The following SLCO1C1 variants were observed in gnomAD, a reference collection of about 807,000 sequenced individuals.
SLCO1C1 encodes the protein solute carrier organic anion transporter family member 1C1, also known as OAT-RP-5.
Under a neutral mutation model 76.4 loss-of-function variants are expected in SLCO1C1, and 70 were observed. The ratio of observed to expected loss-of-function variants is 0.92; its 90% confidence interval spans 0.76 to 1.12. The LOEUF (loss-of-function observed/expected upper bound fraction) is 1.12, where lower values mean the gene tolerates loss of function less well. Ranked by LOEUF, SLCO1C1 falls within the 50% of genes most tolerant of loss-of-function variation. The pLI, the probability that SLCO1C1 is intolerant of heterozygous loss-of-function variation, is 0.00. For missense variants in SLCO1C1, 912 were observed against 823.8 expected (o/e 1.11, Z -1.31); for synonymous variants, 306 against 286.1 (o/e 1.07, Z -0.70).
chr12:20,733,429 A>C (rs1171641761), intron 10 of SLCO1C1, among the ~76,000 whole-genome samples: 1 of 152,232 alleles, frequency 6.6e-6, no homozygotes, highest in Admixed American at 6.5e-5. Context: ...AATGATGTAC[A>C]TGTGGTTTAA....
intron 7 of SLCO1C1, among the ~76,000 whole-genome samples, chr12:20,718,563 T>C (rs971030988): frequency 6.6e-6 from 1 of 152,210 alleles, no homozygotes; most frequent in South Asian, 2.1e-4. Flanking sequence ...AAAAATATTC[T>C]GCTGATTTGA....
chr12:20,724,847 TATA>T (rs1408683582), intron 9 of SLCO1C1, among the ~76,000 whole-genome samples: 16 of 145,868 alleles, frequency 1.1e-4, no homozygotes, highest in East Asian at 5.9e-4. Flanking sequence ...TAATAGATAA[TATA>T]ATAATATATA....
intron 6 of SLCO1C1, among the ~76,000 whole-genome samples, chr12:20,715,921 A>G (rs959000067): frequency 1.3e-5 from 2 of 152,240 alleles, no homozygotes; most frequent in African/African-American, 4.8e-5. Context: ...ACATCTAAAC[A>G]GCATTTATTG....
At chr12:20,736,272 A>AT (rs1665802784) in intron 10 of SLCO1C1, among the ~76,000 whole-genome samples, 1 of 151,592 alleles carries the variant, frequency 6.6e-6, no homozygotes, top group South Asian at 2.1e-4. Flanking sequence ...AGAACAAAAA[A>AT]AAATGAAGGA....
chr12:20,706,530 C>T (rs1296766268), intron 4 of SLCO1C1, among the ~76,000 whole-genome samples: 1 of 152,096 alleles, frequency 6.6e-6, no homozygotes, highest in Non-Finnish European at 1.5e-5. Context: ...TCTCTTAGAC[C>T]TTTATCAATG....
At chr12:20,731,725 TAG>T (rs1364683910) in intron 9 of SLCO1C1, among the ~76,000 whole-genome samples, 2 of 152,222 alleles carry the variant, frequency 1.3e-5, no homozygotes, top group African/African-American at 2.4e-5. Context: ...TGTTCTTCTT[TAG>T]AGTTACAATT....
At chr12:20,745,116 A>G (rs1164220196) in intron 13 of SLCO1C1, among the ~76,000 whole-genome samples, 1 of 152,226 alleles carries the variant, frequency 6.6e-6, no homozygotes, top group Non-Finnish European at 1.5e-5. Flanking sequence ...TGGAAGCATC[A>G]ACTAAAAACT....
intron 13 of SLCO1C1, among the ~76,000 whole-genome samples, chr12:20,749,732 A>G (rs1193028800): frequency 6.6e-6 from 1 of 152,232 alleles, no homozygotes; most frequent in Non-Finnish European, 1.5e-5. Context: ...TAAGGAGGAC[A>G]TGTTTCCTAC....
chr12:20,752,328 G>A lies in SLCO1C1; in HGVS notation c.1939G>A (p.Val647Met). 1 of 1,604,264 alleles carries A rather than the reference G, an allele frequency of 6.2e-7. No homozygotes were observed. Among genetic ancestry groups the A allele is most frequent in the Non-Finnish European group, 8.5e-7 (1 of 1,174,182 alleles). ...TAGACATATATATCTGGGACTAACT[G>A]TGATACTGGGCACAGTGTCAATTCT... ...VFRHIYLGLT[V>M]ILGTVSILLS... is the part of the protein sequence containing the mutation. Residue 647 changes from valine to methionine, a missense_variant, in exon 15 of 15, where the codon GTG becomes ATG. Transcript: ENST00000266509.
At chr12:20,750,875 T>A (rs1351063085) in intron 14 of SLCO1C1, 83 bp downstream of exon 14, 2 of 1,613,802 alleles carry the variant, frequency 1.2e-6, no homozygotes, top group Admixed American at 1.7e-5. Context: ...CAAGTTTTCA[T>A]GTCATTTCAC....
chr12:20,723,115 T>C lies in SLCO1C1; in HGVS notation c.1047T>C (p.Leu349=). The part of the protein sequence containing the change: ...ARDFLPSLKN[L]FGNPVYFLYL... ...ATTTTCTTCCATCACTGAAGAATCTTTTTGGAAACCCAGTATACTTCCTAT... is the reference window on the plus strand; with the variant it reads ...ATTTTCTTCCATCACTGAAGAATCTCTTTGGAAACCCAGTATACTTCCTAT... Residue 349 remains leucine, a synonymous_variant, in exon 9 of 15, where the codon CTT becomes CTC. Coordinates refer to ENST00000266509, the MANE Select transcript of SLCO1C1 (RefSeq NM_017435.5). 6.2e-7 allele frequency: 1 copy of C among 1,603,654 alleles called. No homozygotes were observed. Among genetic ancestry groups the C allele is most frequent in the Admixed American group, 1.8e-5 (1 of 56,648 alleles).
Position 20,705,942 on chromosome 12 carries a change from C to G in SLCO1C1, c.272-7C>G. 3.1e-6 allele frequency: 5 copies of G among 1,611,548 alleles called. No homozygotes were observed. Among genetic ancestry groups the G allele is most frequent in the Non-Finnish European group, 4.2e-6 (5 of 1,178,540 alleles). ...TAATTTATGATGTTTTATTCTTTTC[C>G]TCAAAGGGAATCTCTTAGTTATAAC... On this transcript the variant is annotated splice_region_variant and splice_polypyrimidine_tract_variant and intron_variant, in intron 3 of 14. Transcript: ENST00000266509.
At position 20,695,338 on chromosome 12, in the gene SLCO1C1, C is replaced by G. The variant is rs896881170; in HGVS notation, c.-495C>G. On this transcript the variant is annotated 5_prime_UTR_variant, in exon 1 of 15. Transcript: ENST00000266509. Reference sequence around the variant, plus strand: ...CCCTCCTCTGGCTTCTGTTCCTTACCCTCTGCCCCCTGCGGAGTTGTGTTT... The same window carrying G: ...CCCTCCTCTGGCTTCTGTTCCTTACGCTCTGCCCCCTGCGGAGTTGTGTTT... 6.6e-6 allele frequency: 1 copy of G among 152,240 alleles called. No individual in the cohort carries two copies. The highest frequency in any genetic ancestry group is 1.9e-4 in the East Asian group (1 of 5,142). The allele number at this position is 152,240 out of a possible 1,614,324, so 9.4% of individuals were successfully genotyped here.
At chr12:20,740,757 C>G (rs893578139) in intron 12 of SLCO1C1, among the ~76,000 whole-genome samples, 5 of 113,982 alleles carry the variant, frequency 4.4e-5, no homozygotes, top group Non-Finnish European at 8.8e-5. Context: ...TAAGGCTCAT[C>G]TAATACAACA....
intron 4 of SLCO1C1, among the ~76,000 whole-genome samples, chr12:20,708,656 C>T (rs1946907789): frequency 6.6e-6 from 1 of 152,094 alleles, no homozygotes; most frequent in Admixed American, 6.5e-5. Flanking sequence ...AAAGTTTCTT[C>T]AGCAGGAGGA....
chr12:20,702,451 C>T (rs1197623186), intron 3 of SLCO1C1, among the ~76,000 whole-genome samples: 1 of 151,850 alleles, frequency 6.6e-6, no homozygotes, highest in Non-Finnish European at 1.5e-5. Context: ...TTTTAATGTC[C>T]ACACAAATAA....
chr12:20,722,429 C>T (rs1383861889), intron 8 of SLCO1C1, among the ~76,000 whole-genome samples: 1 of 152,228 alleles, frequency 6.6e-6, no homozygotes, highest in Non-Finnish European at 1.5e-5. Context: ...CAATGCATGT[C>T]TCTCACCAAT....
intron 5 of SLCO1C1, among the ~76,000 whole-genome samples, chr12:20,712,582 CT>C (rs1178093664): frequency 1.3e-5 from 2 of 152,220 alleles, no homozygotes; most frequent in African/African-American, 4.8e-5. Context: ...ACCCCTACTC[CT>C]AACCGGAGGA....
chr12:20,738,145 A>C (rs188046432), intron 11 of SLCO1C1, among the ~76,000 whole-genome samples: 1 of 152,206 alleles, frequency 6.6e-6, no homozygotes, highest in East Asian at 1.9e-4. Context: ...TACCTCCTAA[A>C]TGCTTTACTC....
Sources: gnomAD v4.1 joint callset for allele counts (sites outside exome capture counted in the v4.1 genomes callset) on GRCh38, gnomAD v4.1.1 for gene constraint, MANE v1.5 for transcripts, NCBI Gene and HGNC (gene_info 2026-07-23, HGNC 2026-07-21) for gene names.